OCA2: variants seen among roughly 807,000 people sequenced by gnomAD.
OCA2 encodes OCA2 melanosomal transmembrane protein.
A neutral mutation model predicts 100.2 loss-of-function variants in OCA2; 77 were observed. That is an observed-to-expected ratio of 0.77 (90% CI 0.64 to 0.93). The LOEUF is 0.93. Among genes scored for constraint, OCA2 ranks in the 40% least tolerant of loss-of-function variants. The pLI, the probability that OCA2 is intolerant of heterozygous loss-of-function variation, is 0.00. For missense variants in OCA2, 1,062 were observed against 1,089.1 expected (o/e 0.98, Z 0.35); for synonymous variants, 432 against 439.2 (o/e 0.98, Z 0.21).
rs1432068214 is a variant in OCA2, at chr15:27,871,844, A to C, written c.2139+19T>G. ...AAGAACAGTGGCTGGAGTGCCTTCT[A>C]TTATAGCATTTATTTTACCTTTATT... On this transcript the variant is annotated intron_variant, in intron 20 of 23. Coordinates refer to ENST00000354638, the MANE Select transcript of OCA2 (RefSeq NM_000275.3). The C allele has an allele frequency of 6.6e-7, 1 of 1,519,572 alleles. No homozygotes were observed. Among genetic ancestry groups the C allele is most frequent in the African/African-American group, 1.4e-5 (1 of 72,882 alleles). 94.1% of individuals were successfully genotyped at this position (1,519,572 alleles called of 1,614,324 possible).
intron 23 of OCA2, among the ~76,000 whole-genome samples, chr15:27,814,882 CTATAGATA>C (rs1435370675): frequency 1.5e-5 from 2 of 136,576 alleles, no homozygotes; most frequent in Admixed American, 7.6e-5. Context: ...GATTCTCTCT[CTATAGATA>C]GATAGATAGA....
chr15:27,861,469 G>C (rs1040196073), intron 21 of OCA2, among the ~76,000 whole-genome samples: 12 of 152,092 alleles, frequency 7.9e-5, no homozygotes, highest in African/African-American at 2.7e-4. Context: ...CGTGAGTCTA[G>C]AGAGTGGAGG....
At chr15:28,025,528 G>C (rs1288301527) in intron 4 of OCA2, among the ~76,000 whole-genome samples, 1 of 152,202 alleles carries the variant, frequency 6.6e-6, no homozygotes, top group East Asian at 1.9e-4. Flanking sequence ...GGCCTGGCCT[G>C]CACTCTGCTG....
At chr15:28,035,905 C>T (rs1158426655) in intron 2 of OCA2, among the ~76,000 whole-genome samples, 3 of 151,952 alleles carry the variant, frequency 2.0e-5, no homozygotes, top group Non-Finnish European at 2.9e-5. Context: ...TTCAGAGATA[C>T]CCAATGTTAA....
intron 9 of OCA2, among the ~76,000 whole-genome samples, chr15:27,992,029 A>C (rs1053755162): frequency 1.3e-5 from 2 of 151,878 alleles, no homozygotes; most frequent in Non-Finnish European, 2.9e-5. Flanking sequence ...GTAAATACCT[A>C]AAATCCAATA....
chr15:27,977,936 C>T (rs756280185), intron 14 of OCA2, among the ~76,000 whole-genome samples: 8 of 152,168 alleles, frequency 5.3e-5, no homozygotes, highest in East Asian at 3.9e-4. Flanking sequence ...TCTAGCCTCC[C>T]GACTGTGAGG....
At chr15:27,940,240 C>A (rs765994550) in intron 18 of OCA2, among the ~76,000 whole-genome samples, 7 of 152,206 alleles carry the variant, frequency 4.6e-5, no homozygotes, top group African/African-American at 7.2e-5. Context: ...AAACCCTTAA[C>A]AAATCGTGTA....
At chr15:27,788,598 G>A (rs1228373343) in intron 23 of OCA2, among the ~76,000 whole-genome samples, 2 of 151,962 alleles carry the variant, frequency 1.3e-5, no homozygotes, top group African/African-American at 2.4e-5. Flanking sequence ...GTCTAAACCT[G>A]AATCTGGATC....
chr15:27,726,767 TAAAAA>T, the OCA2 span, among the ~76,000 whole-genome samples: 523 of 152,136 alleles, frequency 3.4e-3, 6 homozygotes, highest in Admixed American at 0.01. Context: ...TAAAATAAAA[TAAAAA>T]GAAGAAGGTG....
At chr15:27,807,066 G>T (rs942708560) in intron 23 of OCA2, among the ~76,000 whole-genome samples, 2 of 134,622 alleles carry the variant, frequency 1.5e-5, no homozygotes, top group Admixed American at 7.8e-5. Context: ...CTGTCTACCC[G>T]CCAGCATTCT....
Position 27,974,883 on chromosome 15 carries a change from A to G in OCA2, c.1504-8061T>C, listed in dbSNP as rs189337955. Among the ~76,000 whole-genome samples the G allele has an allele frequency of 7.0e-4, 106 of 152,328 alleles. No homozygotes were observed. The East Asian group carries it at 0.013, about 19-fold the overall frequency. On this transcript the variant is annotated intron_variant, in intron 14 of 23. Coordinates refer to ENST00000354638, the MANE Select transcript of OCA2 (RefSeq NM_000275.3). ...CCAGAGAATGTCACTTTGGCAGAAA[A>G]TTGTATGACAAGCCTGGGCTGAGCC...
intron 15 of OCA2, among the ~76,000 whole-genome samples, chr15:27,962,467 A>C (rs1373479221): frequency 2.0e-5 from 3 of 152,234 alleles, no homozygotes; most frequent in Non-Finnish European, 4.4e-5. Flanking sequence ...GTGCTCTGAC[A>C]CAGGAGGTGA....
chr15:27,875,149 C>T (rs1448250126), intron 19 of OCA2, among the ~76,000 whole-genome samples: 2 of 152,106 alleles, frequency 1.3e-5, no homozygotes, highest in Non-Finnish European at 2.9e-5. Context: ...TATAAAGATA[C>T]TACAATAAAC....
chr15:27,961,787 G>A (rs189672734), intron 15 of OCA2, among the ~76,000 whole-genome samples: 4 of 152,136 alleles, frequency 2.6e-5, no homozygotes, highest in South Asian at 2.1e-4. Flanking sequence ...ATCACACACC[G>A]GGGGCTGTCG....
intron 2 of OCA2, among the ~76,000 whole-genome samples, chr15:28,032,610 C>T (rs946046911): frequency 5.3e-5 from 8 of 149,538 alleles, no homozygotes; most frequent in African/African-American, 2.0e-4. Context: ...GTGGTGAAAC[C>T]CCACCTCTAC....
At chr15:28,067,962 C>G (rs931017767) in intron 2 of OCA2, among the ~76,000 whole-genome samples, 5 of 152,108 alleles carry the variant, frequency 3.3e-5, no homozygotes. Flanking sequence ...TTGTGTGGTA[C>G]TGTAAGTCTT....
chr15:27,964,241 T>A (rs940045817), intron 15 of OCA2, among the ~76,000 whole-genome samples: 5 of 152,328 alleles, frequency 3.3e-5, no homozygotes, highest in African/African-American at 1.2e-4. Context: ...ATTCCTCCTA[T>A]GAGGACAACA....
chr15:27,804,408 T>G (rs1166775056), intron 23 of OCA2, among the ~76,000 whole-genome samples: 1 of 152,200 alleles, frequency 6.6e-6, no homozygotes, highest in Non-Finnish European at 1.5e-5. Flanking sequence ...GCACTTAAAT[T>G]GTCTTCTTGA....
chr15:27,995,952 A>T (rs910807963), intron 9 of OCA2, among the ~76,000 whole-genome samples: 1 of 151,804 alleles, frequency 6.6e-6, no homozygotes, highest in Non-Finnish European at 1.5e-5. Context: ...AGCTGGGACT[A>T]CAGGCAAGCA....
Sources: gnomAD v4.1 joint callset for allele counts (sites outside exome capture counted in the v4.1 genomes callset) on GRCh38, gnomAD v4.1.1 for gene constraint, MANE v1.5 for transcripts, NCBI Gene and HGNC (gene_info 2026-07-23, HGNC 2026-07-21) for gene names.